The following SACS variants were observed in gnomAD, a reference collection of about 807,000 sequenced individuals.
SACS encodes the protein sacsin.
In SACS, 197 loss-of-function variants were observed where a neutral mutation model predicts 348.0. The ratio of observed to expected loss-of-function variants is 0.57; its 90% CI spans 0.50 to 0.64. SACS has a LOEUF of 0.64. Among genes scored for constraint, SACS ranks in the 30% least tolerant of loss-of-function variants. The pLI is 0.00. For synonymous variants in SACS, 1,985 were observed against 1,910.6 expected (o/e 1.04, Z -1.02); for missense variants, 4,999 against 5,360.8 (o/e 0.93, Z 2.11).
intron 9 of SACS, among the ~76,000 whole-genome samples, chr13:23,346,318 G>C (rs905306210): frequency 4.6e-5 from 7 of 152,072 alleles, no homozygotes; most frequent in African/African-American, 1.4e-4. Context: ...CTAATTTTTT[G>C]TATTTTTAGT....
At chr13:23,381,742 T>C (rs1284422181) in intron 2 of SACS, among the ~76,000 whole-genome samples, 1 of 152,044 alleles carries the variant, frequency 6.6e-6, no homozygotes, top group Non-Finnish European at 1.5e-5. Flanking sequence ...GTATTTTTAC[T>C]ATTTCTTGCT....
At position 23,337,257 on chromosome 13, in the gene SACS, C is replaced by T. The variant is rs2137608066; in HGVS notation, c.6619G>A (p.Ala2207Thr). 3 of 1,613,902 alleles carry T rather than the reference C, an allele frequency of 1.9e-6. No homozygotes were observed. The East Asian group carries it at 6.7e-5, about 36-fold the overall frequency. The stretch of plus-strand genomic sequence containing the variant: ...AAGCGGATTGTTTGATATTTTGCAG[C>T]AAAATCCTTTGCTCTAGGATCCCTT... ...KIRDPRAKDF[A>T]AKYQTIRFLP... The change falls in exon 10 of 10, where the codon GCT (alanine) becomes ACT (threonine). Residue 2207 changes from alanine (A) to threonine (T), a missense_variant. Physicochemically the swap from Ala to Thr is moderately conservative, Grantham distance 58. Transcript: ENST00000382292.
At chr13:23,368,865 A>AT (rs576527786) in intron 4 of SACS, among the ~76,000 whole-genome samples, 4 of 151,754 alleles carry the variant, frequency 2.6e-5, no homozygotes, top group Non-Finnish European at 2.9e-5. Flanking sequence ...TGCCCAGCTA[A>AT]TTTTTTTGTA....
intron 1 of SACS, among the ~76,000 whole-genome samples, chr13:23,425,082 T>C (rs936931071): frequency 1.3e-5 from 2 of 152,182 alleles, no homozygotes; most frequent in African/African-American, 2.4e-5. Flanking sequence ...ACCTGGGGCC[T>C]GATGTCCATC....
Position 23,336,594 on chromosome 13 carries a change from T to C in SACS, c.7282A>G (p.Ile2428Val), listed in dbSNP as rs1007936574. 20 of 1,613,616 alleles carry C rather than the reference T, an allele frequency of 1.2e-5. No homozygotes were observed. The highest frequency in any genetic ancestry group is 1.6e-4 in the Middle Eastern group (1 of 6,084). The change falls in exon 10 of 10, where the codon ATC becomes GTC. Residue 2428 changes from isoleucine to valine, a missense_variant. Coordinates refer to ENST00000382292, the MANE Select transcript of SACS (RefSeq NM_014363.6). Reference sequence around the variant, plus strand: ...ATGAGACTCCATATTCCTTCACTGATTATTCGTCGGCAAAGCTGAAAATTC... The same window carrying C: ...ATGAGACTCCATATTCCTTCACTGACTATTCGTCGGCAAAGCTGAAAATTC... ...EENFQLCRRI[I>V]SEGIWSLIRE...
chr13:23,400,801 A>C (rs1412960176), intron 2 of SACS, among the ~76,000 whole-genome samples: 1 of 152,192 alleles, frequency 6.6e-6, no homozygotes, highest in East Asian at 1.9e-4. Flanking sequence ...AAACCTCTTG[A>C]TATTTTTGAC....
At chr13:23,350,007 C>T (rs1220075273) in intron 9 of SACS, among the ~76,000 whole-genome samples, 1 of 152,190 alleles carries the variant, frequency 6.6e-6, no homozygotes, top group Non-Finnish European at 1.5e-5. Context: ...GGAGCCCCCA[C>T]ACTAACACGT....
intron 2 of SACS, among the ~76,000 whole-genome samples, chr13:23,399,836 G>A (rs1179772855): frequency 2.0e-5 from 3 of 151,792 alleles, no homozygotes; most frequent in Non-Finnish European, 4.4e-5. Context: ...GAAGATGCCA[G>A]CCTTGAGATA....
intron 9 of SACS, among the ~76,000 whole-genome samples, chr13:23,342,139 C>G (rs1869298309): frequency 6.6e-6 from 1 of 152,056 alleles, no homozygotes; most frequent in Non-Finnish European, 1.5e-5. Context: ...TTCAGCAAAA[C>G]TGGGCTAAAA....
intron 2 of SACS, among the ~76,000 whole-genome samples, chr13:23,391,031 C>G (rs151142859): frequency 6.6e-6 from 1 of 152,204 alleles, no homozygotes; most frequent in Admixed American, 6.5e-5. Flanking sequence ...CACCACAGGC[C>G]GTGCCTGGGG....
At chr13:23,395,275 C>T (rs971269943) in intron 2 of SACS, among the ~76,000 whole-genome samples, 2 of 152,162 alleles carry the variant, frequency 1.3e-5, no homozygotes, top group African/African-American at 4.8e-5. Flanking sequence ...TGAAACCCCC[C>T]TTCTCAAGCC....
intron 1 of SACS, among the ~76,000 whole-genome samples, chr13:23,418,011 G>C (rs1873751613): frequency 6.7e-6 from 1 of 148,388 alleles, no homozygotes. Flanking sequence ...AGTCTGCAAT[G>C]AGCTTAGACT....
chr13:23,333,650 G>A lies in SACS; in HGVS notation c.10226C>T (p.Ser3409Leu). The A allele has an allele frequency of 6.2e-7, 1 of 1,613,730 alleles. No individual in the cohort carries two copies. Among genetic ancestry groups the A allele is most frequent in the Non-Finnish European group, 8.5e-7 (1 of 1,179,770 alleles). ...MSQDDIKILK[S>L]LPCYKSISGR... ...ACTGATGGATTTATAGCACGGAAGT[G>A]ACTTTAGAATTTTTATATCATCTTG... Residue 3409 changes from serine (S) to leucine (L), a missense_variant, in exon 10 of 10, where the codon TCA (serine) becomes TTA (leucine). Ser to Leu is a moderately radical substitution (Grantham distance 145). This residue lies in a region of SACS where 734 missense variants were observed against 694.0 expected (regional missense o/e 1.06). Coordinates refer to ENST00000382292, the MANE Select transcript of SACS (RefSeq NM_014363.6).
chr13:23,343,805 A>G (rs1869427773), intron 9 of SACS, among the ~76,000 whole-genome samples: 1 of 152,256 alleles, frequency 6.6e-6, no homozygotes, highest in South Asian at 2.1e-4. Flanking sequence ...CCTTTATTTC[A>G]GAGGCCTACG....
At chr13:23,388,916 G>T (rs1187613852) in intron 2 of SACS, among the ~76,000 whole-genome samples, 1 of 152,000 alleles carries the variant, frequency 6.6e-6, no homozygotes, top group Admixed American at 6.6e-5. Flanking sequence ...GTATTTCAGG[G>T]TGATAAAATA....
rs759759472 is a variant in SACS, at chr13:23,348,388, TTGGCCTC to T, written c.2185+5390_2185+5396del. 2.8e-3 allele frequency among the ~76,000 whole-genome samples: 425 copies of T among 152,312 alleles called. 1 individual carries two copies. The highest frequency in any genetic ancestry group is 4.2e-3 in the Non-Finnish European group (283 of 68,024). ...AGACACTAAGAAAGAGATTTGCCTT[TTGGCCTC>T]TGCGCCCCATCTCCTCCATGCGGTC... On this transcript the variant is annotated intron_variant, in intron 9 of 9. Transcript: ENST00000382292.
At chr13:23,365,015 A>T in intron 6 of SACS, 151 bp downstream of exon 6, 1 of 584,842 alleles carries the variant, frequency 1.7e-6, no homozygotes, top group Non-Finnish European at 3.0e-6. Context: ...ACACCTTCCC[A>T]CCAAAAGCAG....
In SACS at chr13:23,353,773, A is replaced by G; in HGVS notation, c.2185+12T>C. 6.7e-7 allele frequency: 1 copy of G among 1,481,742 alleles called. No individual in the cohort carries two copies. The highest frequency in any genetic ancestry group is 9.4e-7 in the Non-Finnish European group (1 of 1,064,706). The allele number at this position is 1,481,742 out of a possible 1,614,324, so 91.8% of individuals were successfully genotyped here. A position where few individuals can be genotyped will look rare whatever the true frequency, so the allele number is the denominator to read the frequency against. ...ATAGAAGTTTATTTAAAAGAATACT[A>G]AACTATAATACCTCGGGTTTGGGCA... On this transcript the variant is annotated intron_variant, in intron 9 of 9. Transcript: ENST00000382292.
In SACS at chr13:23,332,357, T is replaced by C. The variant is rs143907401; in HGVS notation, c.11519A>G (p.Lys3840Arg). The C allele has an allele frequency of 3.7e-6, 6 of 1,614,038 alleles. No individual in the cohort carries two copies. The highest frequency in any genetic ancestry group is 2.2e-5 in the East Asian group (1 of 44,880). Reference sequence around the variant, plus strand: ...AATAATATCTTCAGTACCTAAGTGTTTGAACAACTGGTGAAATGTGCCAAG... The same window carrying C: ...AATAATATCTTCAGTACCTAAGTGTCTGAACAACTGGTGAAATGTGCCAAG... Reference protein sequence around the residue: ...LELGTFHQLFKHLGTEDIIST... With the variant: ...LELGTFHQLFRHLGTEDIIST... The change falls in exon 10 of 10, where the codon AAA becomes AGA. Residue 3840 changes from lysine (K) to arginine (R), a missense_variant. This residue lies in a region of SACS where 831 missense variants were observed against 941.8 expected (regional missense o/e 0.88). Transcript: ENST00000382292.
Sources: allele counts gnomAD v4.1 joint callset (sites outside exome capture counted in the v4.1 genomes callset), GRCh38; gene constraint gnomAD v4.1.1; regional missense constraint gnomAD v4.1.1; transcripts MANE v1.5; gene names NCBI Gene and HGNC (gene_info 2026-07-23, HGNC 2026-07-21).